GRIN2B: variants seen among roughly 807,000 people sequenced by gnomAD.
GRIN2B encodes the protein glutamate receptor ionotropic, NMDA 2B.
In GRIN2B, 5 loss-of-function variants were observed where a neutral mutation model predicts 114.5. The ratio of observed to expected loss-of-function variants is 0.04; its 90% CI spans 0.02 to 0.09. GRIN2B has a LOEUF of 0.09. GRIN2B is among the 10% of genes least tolerant of loss of function. The pLI is 1.00. For missense variants in GRIN2B, 1,108 were observed against 1,943.5 expected (o/e 0.57, Z 8.08); for synonymous variants, 787 against 745.1 (o/e 1.06, Z -0.92).
intron 5 of GRIN2B, among the ~76,000 whole-genome samples, chr12:13,630,685 G>A (rs1591650295): frequency 1.3e-5 from 2 of 152,250 alleles, no homozygotes; most frequent in Admixed American, 6.5e-5. Context: ...CATCAGATAA[G>A]TGACCCCCTG....
At chr12:13,592,289 T>C (rs1446512230) in intron 10 of GRIN2B, among the ~76,000 whole-genome samples, 2 of 152,192 alleles carry the variant, frequency 1.3e-5, no homozygotes, top group Non-Finnish European at 2.9e-5. Context: ...TAACAAGCTA[T>C]TGTTGTAAGA....
intron 3 of GRIN2B, among the ~76,000 whole-genome samples, chr12:13,855,736 G>T (rs1865649842): frequency 6.6e-6 from 1 of 152,156 alleles, no homozygotes; most frequent in Admixed American, 6.5e-5. Flanking sequence ...ATCTCATCAT[G>T]ACATCTTTAA....
At chr12:13,782,803 A>G (rs1864143183) in intron 3 of GRIN2B, among the ~76,000 whole-genome samples, 1 of 152,128 alleles carries the variant, frequency 6.6e-6, no homozygotes. Context: ...GCCTCATCTT[A>G]CCTCTGCACC....
At chr12:13,575,590 T>C (rs1948764041) in intron 10 of GRIN2B, among the ~76,000 whole-genome samples, 1 of 151,852 alleles carries the variant, frequency 6.6e-6, no homozygotes, top group South Asian at 2.1e-4. Context: ...GCCCAGGAGG[T>C]GGAGGTTGCA....
At chr12:13,958,875 G>A (rs1867642703) in intron 2 of GRIN2B, among the ~76,000 whole-genome samples, 1 of 151,622 alleles carries the variant, frequency 6.6e-6, no homozygotes, top group African/African-American at 2.4e-5. Context: ...TGAGAGAGGG[G>A]AAAAAAGACG....
chr12:13,971,275 T>G (rs1327254357), intron 2 of GRIN2B, among the ~76,000 whole-genome samples: 2 of 152,216 alleles, frequency 1.3e-5, no homozygotes, highest in Non-Finnish European at 2.9e-5. Flanking sequence ...AGAGAAGTAG[T>G]GTTTTTATTC....
At chr12:13,938,804 GTT>G (rs1391833169) in intron 2 of GRIN2B, among the ~76,000 whole-genome samples, 2 of 152,130 alleles carry the variant, frequency 1.3e-5, no homozygotes, top group African/African-American at 2.4e-5. Flanking sequence ...CTTGATCAGA[GTT>G]GCTAGCTATT....
At chr12:13,972,564 C>G (rs1862944558) in intron 2 of GRIN2B, among the ~76,000 whole-genome samples, 1 of 152,168 alleles carries the variant, frequency 6.6e-6, no homozygotes, top group African/African-American at 2.4e-5. Flanking sequence ...AGCAAATGCA[C>G]ACCACTGGCT....
At chr12:13,827,231 T>TTTC (rs1435116219) in intron 3 of GRIN2B, among the ~76,000 whole-genome samples, 30 of 147,158 alleles carry the variant, frequency 2.0e-4, no homozygotes, top group African/African-American at 6.9e-4. Flanking sequence ...GTTGTTTTCT[T>TTTC]TTTTTTTTTT....
Position 13,546,069 on chromosome 12 carries a change from A to C in GRIN2B, c.*16714T>G, listed in dbSNP as rs186043226. On this transcript the variant is annotated 3_prime_UTR_variant, in exon 14 of 14. Transcript: ENST00000609686. ...GGGAAGATATAATTTTATTTAACAG[A>C]TTTTCTCTCTCAGAGGTGACCTAAC... The C allele has an allele frequency of 2.6e-5, 4 of 152,202 alleles. No individual in the cohort carries two copies. In the East Asian group the frequency reaches 7.7e-4, roughly 29 times the overall value. The allele number at this position is 152,202 out of a possible 1,614,324, so 9.4% of individuals were successfully genotyped here.
Position 13,562,722 on chromosome 12 carries a change from C to G in GRIN2B, c.*61G>C, listed in dbSNP as rs199872486. The stretch of plus-strand genomic sequence containing the variant: ...CACCCCCGTCACCCTCCGTGACATG[C>G]GCATCACGCGACCCACAGCCTTACC... On this transcript the variant is annotated 3_prime_UTR_variant, in exon 14 of 14. Transcript: ENST00000609686. The G allele has an allele frequency of 7.6e-7, 1 of 1,323,762 alleles. No individual in the cohort carries two copies. The highest frequency in any genetic ancestry group is 1.4e-5 in the African/African-American group (1 of 69,258). The allele number at this position is 1,323,762 out of a possible 1,614,324, so 82.0% of individuals were successfully genotyped here. A position where few individuals can be genotyped will look rare whatever the true frequency, so the allele number is the denominator to read the frequency against.
intron 3 of GRIN2B, among the ~76,000 whole-genome samples, chr12:13,839,624 G>A (rs1865344682): frequency 6.6e-6 from 1 of 152,174 alleles, no homozygotes; most frequent in South Asian, 2.1e-4. Context: ...ATCTGCCCAA[G>A]GTCATGCAGC....
intron 10 of GRIN2B, among the ~76,000 whole-genome samples, chr12:13,599,274 C>T (rs1949120501): frequency 6.6e-6 from 1 of 152,136 alleles, no homozygotes; most frequent in African/African-American, 2.4e-5. Flanking sequence ...CCCCCATCAG[C>T]CCTAGCATAT....
chr12:13,793,823 A>G (rs1363292365), intron 3 of GRIN2B, among the ~76,000 whole-genome samples: 4 of 152,080 alleles, frequency 2.6e-5, no homozygotes, highest in African/African-American at 9.7e-5. Context: ...CATATCTTCA[A>G]AATCAGACTT....
intron 3 of GRIN2B, among the ~76,000 whole-genome samples, chr12:13,767,427 T>C (rs888473429): frequency 6.6e-6 from 1 of 152,226 alleles, no homozygotes; most frequent in African/African-American, 2.4e-5. Context: ...TTTTTTCTAA[T>C]TTTCTTACTG....
chr12:13,649,514 G>A (rs1949795524), intron 5 of GRIN2B, among the ~76,000 whole-genome samples: 1 of 152,004 alleles, frequency 6.6e-6, no homozygotes, highest in Non-Finnish European at 1.5e-5. Context: ...TTTACTACAG[G>A]AATCTTAGAG....
At chr12:13,869,241 CTTTTTT>C (rs377460231) in intron 2 of GRIN2B, among the ~76,000 whole-genome samples, 15 of 127,370 alleles carry the variant, frequency 1.2e-4, no homozygotes, top group African/African-American at 4.2e-4. Flanking sequence ...CTTTTTTTTT[CTTTTTT>C]TTTTTTTTTT....
chr12:13,945,725 C>T (rs142234966), intron 2 of GRIN2B, among the ~76,000 whole-genome samples: 27 of 152,276 alleles, frequency 1.8e-4, no homozygotes, highest in Non-Finnish European at 3.5e-4. Context: ...GTCACTAAAG[C>T]AGGTCAGTCT....
chr12:13,708,267 T>C (rs941334298), intron 4 of GRIN2B, among the ~76,000 whole-genome samples: 5 of 152,108 alleles, frequency 3.3e-5, no homozygotes, highest in Non-Finnish European at 7.4e-5. Flanking sequence ...GTAAGTTTTA[T>C]TCTGTCACAC....
Sources: gnomAD v4.1 joint callset for allele counts (sites outside exome capture counted in the v4.1 genomes callset) on GRCh38, gnomAD v4.1.1 for gene constraint, MANE v1.5 for transcripts, NCBI Gene and HGNC (gene_info 2026-07-23, HGNC 2026-07-21) for gene names.